CEMIP: variants seen among roughly 807,000 people sequenced by gnomAD.
CEMIP encodes the protein cell migration inducing hyaluronidase 1, also known as cell migration-inducing and hyaluronan-binding protein.
A neutral mutation model predicts 156.9 loss-of-function variants in CEMIP; 105 were observed. The ratio of observed to expected loss-of-function variants is 0.67; its 90% confidence interval spans 0.57 to 0.79. The LOEUF (loss-of-function observed/expected upper bound fraction) is 0.79, where lower values mean the gene tolerates loss of function less well. Among genes scored for constraint, CEMIP ranks in the 30% least tolerant of loss-of-function variants. The pLI, the probability that CEMIP is intolerant of heterozygous loss-of-function variation, is 0.00. For missense variants in CEMIP, 1,457 were observed against 1,769.4 expected, an observed-to-expected ratio of 0.82 and a Z score of 3.17; for synonymous variants, 676 against 668.4, an observed-to-expected ratio of 1.01 and a Z score of -0.17.
At chr15:80,807,230 ATTT>A (rs5814038) in intron 1 of CEMIP, among the ~76,000 whole-genome samples, 10 of 139,066 alleles carry the variant, frequency 7.2e-5, no homozygotes, top group Admixed American at 1.4e-4. Context: ...TCTAGAGAGG[ATTT>A]TTTTTTTTTT....
intron 28 of CEMIP, 37 bp from the exon 29 acceptor site, chr15:80,946,926 GCT>G: frequency 7.1e-7 from 1 of 1,407,932 alleles, no homozygotes; most frequent in South Asian, 1.2e-5. Flanking sequence ...TCTCCAGTTT[GCT>G]CTCTCCCTCT....
At chr15:80,866,694 G>A (rs569815709) in intron 1 of CEMIP, among the ~76,000 whole-genome samples, 2 of 151,126 alleles carry the variant, frequency 1.3e-5, no homozygotes, top group Admixed American at 1.3e-4. Context: ...GCTGAGGCAG[G>A]AGAATGGCAT....
chr15:80,878,931 T>G, intron 4 of CEMIP, 64 bp downstream of exon 4: 1 of 1,601,888 alleles, frequency 6.2e-7, no homozygotes, highest in Non-Finnish European at 8.6e-7. Flanking sequence ...GCAGATAGGA[T>G]GCAGGTTGCC....
Position 80,895,004 on chromosome 15 carries a change from T to C in CEMIP, c.1101T>C (p.Asp367=). 1 of 1,614,076 alleles carries C rather than the reference T, an allele frequency of 6.2e-7. No individual in the cohort carries two copies. Among genetic ancestry groups the C allele is most frequent in the African/African-American group, 1.3e-5 (1 of 75,002 alleles). The change falls in exon 11 of 30, where the codon GAT becomes GAC. Residue 367 remains aspartate (D), a synonymous_variant. Transcript: ENST00000394685. ...GTCATTCCCAGGCCACTACAATGGA[T>C]GGAGTTAACCTCAGCACCGAGGTTG... ...RPIDIQATTM[D]GVNLSTEVVY... is the part of the protein sequence containing the mutation.
rs533612552 is a variant in CEMIP, at chr15:80,919,566, C to T, written c.1798-528C>T. On this transcript the variant is annotated intron_variant, in intron 14 of 29. Transcript: ENST00000394685. ...CGGTGGCTCACACCTGTAATCCCAG[C>T]ACTTTGGGAGCCCAAGGCGGGCGGA... 1.1e-4 allele frequency among the ~76,000 whole-genome samples: 17 copies of T among 152,304 alleles called. No individual in the cohort carries two copies. The South Asian group carries it at 1.9e-3, about 17-fold the overall frequency.
intron 1 of CEMIP, among the ~76,000 whole-genome samples, chr15:80,865,476 G>A (rs1350383764): frequency 5.3e-5 from 8 of 151,992 alleles, no homozygotes; most frequent in South Asian, 2.1e-4. Context: ...CACCGCGCCC[G>A]GCCAAGGAAC....
At chr15:80,809,568 A>G (rs1896606153) in intron 1 of CEMIP, among the ~76,000 whole-genome samples, 1 of 152,242 alleles carries the variant, frequency 6.6e-6, no homozygotes. Flanking sequence ...CCAAGTTGTT[A>G]GTTCACAGTC....
chr15:80,928,938 G>A lies in CEMIP; in HGVS notation c.2456+1G>A. The A allele has an allele frequency of 6.2e-7, 1 of 1,614,244 alleles. No homozygotes were observed. The highest frequency in any genetic ancestry group is 8.5e-7 in the Non-Finnish European group (1 of 1,180,048). On this transcript the variant is annotated splice_donor_variant, in intron 20 of 29. Coordinates refer to ENST00000394685, the MANE Select transcript of CEMIP (RefSeq NM_001293298.2). LOFTEE classifies it high-confidence loss of function. ...ATGGCATTGGCCTGACCCTGGCCAG[G>A]TAAGGGCAACTGTCATTGTACTTGG...
Position 80,949,075 on chromosome 15 carries a change from A to G in CEMIP, c.*151A>G. 9.5e-7 allele frequency: 1 copy of G among 1,056,852 alleles called. No homozygotes were observed. The highest frequency in any genetic ancestry group is 1.4e-6 in the Non-Finnish European group (1 of 694,662). 65.5% of individuals were successfully genotyped at this position (1,056,852 alleles called of 1,614,324 possible). The stretch of plus-strand genomic sequence containing the variant: ...CCTGATGGGCCAAGGGAAGGCTATC[A>G]GAGACCCTGGTGCTGCCACCTGCCC... On this transcript the variant is annotated 3_prime_UTR_variant, in exon 30 of 30. Transcript: ENST00000394685.
chr15:80,813,719 G>A (rs754887919), intron 1 of CEMIP, among the ~76,000 whole-genome samples: 3 of 152,168 alleles, frequency 2.0e-5, no homozygotes, highest in Non-Finnish European at 4.4e-5. Context: ...AAGGTCCAAT[G>A]GCAAGTGGAA....
In CEMIP at chr15:80,947,059, T is replaced by C; in HGVS notation, c.3952T>C (p.Leu1318=). The C allele has an allele frequency of 1.2e-6, 2 of 1,611,190 alleles. No individual in the cohort carries two copies. The highest frequency in any genetic ancestry group is 1.7e-6 in the Non-Finnish European group (2 of 1,177,530). Reference sequence around the variant, plus strand: ...GCTTGGGGCAGACAGGGGTCTCAAGTTGAAAGGTAAGGGTTTGAACTGGGG... The same window carrying C: ...GCTTGGGGCAGACAGGGGTCTCAAGCTGAAAGGTAAGGGTTTGAACTGGGG... ...EKLGADRGLK[L]KEQMAFVGFK... The change falls in exon 29 of 30, where the codon TTG becomes CTG. Residue 1318 remains leucine (L), a synonymous_variant. Coordinates refer to ENST00000394685, the MANE Select transcript of CEMIP (RefSeq NM_001293298.2).
At chr15:80,804,365 G>C (rs564810905) in intron 1 of CEMIP, among the ~76,000 whole-genome samples, 1 of 152,238 alleles carries the variant, frequency 6.6e-6, no homozygotes, top group East Asian at 1.9e-4. Context: ...ATGGGAGACA[G>C]TGTCTCCTTT....
chr15:80,880,040 G>C (rs1898595465), intron 5 of CEMIP, among the ~76,000 whole-genome samples, 186 bp downstream of exon 5: 1 of 152,234 alleles, frequency 6.6e-6, no homozygotes, highest in African/African-American at 2.4e-5. Context: ...CATAAGGCTT[G>C]TTATTTATAG....
chr15:80,867,043 T>C (rs573185276), intron 1 of CEMIP, among the ~76,000 whole-genome samples: 1 of 152,244 alleles, frequency 6.6e-6, no homozygotes, highest in East Asian at 1.9e-4. Context: ...CTAATCAACA[T>C]AAGCAATTGT....
At position 80,951,444 on chromosome 15, in the gene CEMIP, T is replaced by G. The variant is rs1288102624; in HGVS notation, c.*2520T>G. ...TTCTGTTTGTAAGACTTAAGTGAGT[T>G]AGGTCTTTAAGGAAAGCAACGCTCC... On this transcript the variant is annotated 3_prime_UTR_variant, in exon 30 of 30. Transcript: ENST00000394685. 6.6e-6 allele frequency: 1 copy of G among 152,630 alleles called. No homozygotes were observed. Among genetic ancestry groups the G allele is most frequent in the African/African-American group, 2.4e-5 (1 of 41,458 alleles). The allele number at this position is 152,630 out of a possible 1,614,324, so 9.5% of individuals were successfully genotyped here. A position where few individuals can be genotyped will look rare whatever the true frequency, so the allele number is the denominator to read the frequency against.
intron 14 of CEMIP, among the ~76,000 whole-genome samples, chr15:80,913,498 G>C (rs1900145205): frequency 8.7e-6 from 1 of 115,400 alleles, no homozygotes; most frequent in African/African-American, 3.5e-5. Context: ...ACAGAGACCT[G>C]TGTTTTCATC....
At chr15:80,900,416 G>A (rs1175342008) in intron 12 of CEMIP, among the ~76,000 whole-genome samples, 1 of 152,096 alleles carries the variant, frequency 6.6e-6, no homozygotes, top group Non-Finnish European at 1.5e-5. Flanking sequence ...CTTTCCTTGG[G>A]GTTAGCACTG....
chr15:80,946,738 C>A, intron 28 of CEMIP: 1 of 559,390 alleles, frequency 1.8e-6, no homozygotes, highest in South Asian at 1.9e-5. Context: ...AGGCTGTGGG[C>A]ACCAACTGTG....
At chr15:80,933,582 C>A in intron 23 of CEMIP, 122 bp downstream of exon 23, 2 of 728,212 alleles carry the variant, frequency 2.7e-6, no homozygotes, top group Non-Finnish European at 4.4e-6. Flanking sequence ...ATTTTTTTTT[C>A]TTTTTCTTTC....
Sources: gnomAD v4.1 joint callset for allele counts (sites outside exome capture counted in the v4.1 genomes callset) on GRCh38, gnomAD v4.1.1 for gene constraint, MANE v1.5 for transcripts, NCBI Gene and HGNC (gene_info 2026-07-23, HGNC 2026-07-21) for gene names.